KNOP1: variants seen among roughly 807,000 people sequenced by gnomAD.
The protein encoded by KNOP1 is lysine rich nucleolar protein 1, also known as lysine-rich nucleolar protein 1.
KNOP1 carries 20 observed loss-of-function variants against 30.6 expected under a neutral mutation model. The observed-to-expected ratio is 0.65, with a 90% CI of 0.46 to 0.95. KNOP1 has a LOEUF of 0.95. KNOP1 is among the 40% of genes least tolerant of loss of function. The pLI, the probability that KNOP1 is intolerant of heterozygous loss-of-function variation, is 0.00. For synonymous variants in KNOP1, 204 were observed against 210.0 expected (o/e 0.97, Z 0.25); for missense variants, 540 against 562.0 (o/e 0.96, Z 0.40).
At position 19,711,428 on chromosome 16, in the gene KNOP1, C is replaced by T. The variant is rs1332328114; in HGVS notation, c.931G>A (p.Asp311Asn). The change falls in exon 3 of 5, where the codon GAC becomes AAC. Residue 311 changes from aspartate to asparagine, a missense_variant. Physicochemically the swap from Asp to Asn is conservative, Grantham distance 23. Transcript: ENST00000219837. The stretch of plus-strand genomic sequence containing the variant: ...TTTTTTTCCAACACCACCTCTAAGT[C>T]CGTGTCTGTTTCCTGCAGGAGAGGG... ...GDPWKEETDT[D>N]LEVVLEKKGN... The T allele has an allele frequency of 1.2e-6, 2 of 1,614,162 alleles. No homozygotes were observed. The highest frequency in any genetic ancestry group is 1.7e-6 in the Non-Finnish European group (2 of 1,180,024).
chr16:19,717,330 T>G (rs1977197229), intron 1 of KNOP1: 1 of 985,134 alleles, frequency 1.0e-6, no homozygotes, highest in Non-Finnish European at 1.2e-6. Flanking sequence ...TAAAGGAGCT[T>G]GCAAAGAAGA....
chr16:19,714,318 T>C lies in KNOP1; in HGVS notation c.718A>G (p.Arg240Gly). The change falls in exon 2 of 5, where the codon AGG becomes GGG. Residue 240 changes from arginine to glycine, a missense_variant. Transcript: ENST00000219837. ...KPSRSMESSP[R>G]KGSKKKPVKV... ...ACTGGCTTCTTTTTACTTCCTTTCC[T>C]AGGGCTGCTCTCCATGGACCTGGAG... 1 of 1,614,128 alleles carries C rather than the reference T, an allele frequency of 6.2e-7. No homozygotes were observed. The highest frequency in any genetic ancestry group is 8.5e-7 in the Non-Finnish European group (1 of 1,180,002).
Position 19,704,427 on chromosome 16 carries a change from G to T in KNOP1, c.*2483C>A. ...CAGAGCTAAGGCAGGCCAACGTCAG[G>T]GTGACCTCTTGGCAAGATAAAAACT... On this transcript the variant is annotated 3_prime_UTR_variant, in exon 5 of 5. Coordinates refer to ENST00000219837, the MANE Select transcript of KNOP1 (RefSeq NM_001012991.3). 1 of 152,240 alleles carries T rather than the reference G, an allele frequency of 6.6e-6. No individual in the cohort carries two copies. The highest frequency in any genetic ancestry group is 1.5e-5 in the Non-Finnish European group (1 of 68,044). 9.4% of individuals were successfully genotyped at this position (152,240 alleles called of 1,614,324 possible).
At chr16:19,710,702 G>T in intron 3 of KNOP1, 116 bp from the exon 4 acceptor site, 1 of 778,226 alleles carries the variant, frequency 1.3e-6, no homozygotes, top group Non-Finnish European at 2.2e-6. Context: ...AACACAGCTT[G>T]ACTCTGCTAC....
In KNOP1 at chr16:19,708,536, A is replaced by G. The variant is rs141759832; in HGVS notation, c.1066-1315T>C. 4.1e-3 allele frequency among the ~76,000 whole-genome samples: 623 copies of G among 152,052 alleles called. 6 individuals carry two copies. Among genetic ancestry groups the G allele is most frequent in the African/African-American group, 0.014 (593 of 41,470 alleles). On this transcript the variant is annotated intron_variant, in intron 4 of 4. Transcript: ENST00000219837. ...AGACATACGTCAGATTTGACACCAA[A>G]AGCCCAGTGCACGATGCATGGCACA...
At chr16:19,715,355 A>C (rs1229476671) in intron 1 of KNOP1, 3 of 250,330 alleles carry the variant, frequency 1.2e-5, no homozygotes, top group African/African-American at 4.4e-5. Flanking sequence ...TGGAGGGAGT[A>C]AATGAGATAA....
In KNOP1 at chr16:19,703,145, A is replaced by C. The variant is rs939169176; in HGVS notation, c.*3765T>G. 6 of 152,236 alleles carry C rather than the reference A, an allele frequency of 3.9e-5. No individual in the cohort carries two copies. The highest frequency in any genetic ancestry group is 1.2e-4 in the African/African-American group (5 of 41,456). The allele number at this position is 152,236 out of a possible 1,614,324, so 9.4% of individuals were successfully genotyped here. On this transcript the variant is annotated 3_prime_UTR_variant, in exon 5 of 5. Transcript: ENST00000219837. ...GTCATCTGACGGTTCTATAGGTCTTAAGTCCGCCTGGTCTCACTGAGCTAA... is the reference window on the plus strand; with the variant it reads ...GTCATCTGACGGTTCTATAGGTCTTCAGTCCGCCTGGTCTCACTGAGCTAA...
intron 3 of KNOP1, 25 bp from the exon 4 acceptor site, chr16:19,710,611 G>A: frequency 6.3e-7 from 1 of 1,593,996 alleles, no homozygotes; most frequent in South Asian, 1.1e-5. Flanking sequence ...TGACAGAAGA[G>A]GGCCGTCAGA....
rs1976946859 is a variant in KNOP1 at position 19,715,003 on chromosome 16, C to T, written c.33G>A (p.Gly11=). 1 of 1,583,492 alleles carries T rather than the reference C, an allele frequency of 6.3e-7. No homozygotes were observed. The highest frequency in any genetic ancestry group is 8.5e-7 in the Non-Finnish European group (1 of 1,169,590). Residue 11 remains glycine, a synonymous_variant, in exon 2 of 5, where the codon GGG becomes GGA. Coordinates refer to ENST00000219837, the MANE Select transcript of KNOP1 (RefSeq NM_001012991.3). The stretch of plus-strand genomic sequence containing the variant: ...TCTTCTTCTTTTTCTTCTCTGGGAG[C>T]CCAAGGTCTACTTTGTGTGTCTTGG... MITKTHKVDL[G]LPEKKKKKKV...
Position 19,714,156 on chromosome 16 carries a change from T to C in KNOP1, c.880A>G (p.Arg294Gly), listed in dbSNP as rs891774997. The C allele has an allele frequency of 6.2e-7, 1 of 1,613,214 alleles. No individual in the cohort carries two copies. Among genetic ancestry groups the C allele is most frequent in the Non-Finnish European group, 8.5e-7 (1 of 1,179,862 alleles). ...TCTCCTGCTACCCCACTCTCTTTCC[T>C]CTTCTTCTTTTTCTTCCTTTTCAGA... Reference protein sequence around the residue: ...PALKRKKKKKRKESGVAGDPW... With the variant: ...PALKRKKKKKGKESGVAGDPW... The change falls in exon 2 of 5, where the codon AGG (arginine) becomes GGG (glycine). Residue 294 changes from arginine (R) to glycine (G), a missense_variant. By Grantham distance (125) the Arg-to-Gly change is moderately radical. Transcript: ENST00000219837.
intron 1 of KNOP1, 56 bp from the exon 2 acceptor site, chr16:19,715,093 T>TTAGTAGAATTGA: frequency 7.8e-7 from 1 of 1,289,118 alleles, no homozygotes; most frequent in Non-Finnish European, 1.1e-6. Context: ...TGTTCAATTC[T>TTAGTAGAATTGA]ACTAAGCATT....
At chr16:19,715,979 TG>T (rs1162037185) in intron 1 of KNOP1, among the ~76,000 whole-genome samples, 4 of 152,110 alleles carry the variant, frequency 2.6e-5, no homozygotes, top group African/African-American at 9.7e-5. Flanking sequence ...GTTAGGATCA[TG>T]GGAGGGAAAG....
In KNOP1 at chr16:19,705,284, G is replaced by A; in HGVS notation, c.*1626C>T. ...ACTTTCTGGCCATCGAGGCCTGCCT[G>A]GGCTGGGATGTCTGTAGGAGGCATG... On this transcript the variant is annotated 3_prime_UTR_variant, in exon 5 of 5. Coordinates refer to ENST00000219837, the MANE Select transcript of KNOP1 (RefSeq NM_001012991.3). 2.2e-6 allele frequency: 1 copy of A among 455,954 alleles called. No individual in the cohort carries two copies. Among genetic ancestry groups the A allele is most frequent in the South Asian group, 1.5e-5 (1 of 64,534 alleles). 28.2% of individuals were successfully genotyped at this position (455,954 alleles called of 1,614,324 possible). A position where few individuals can be genotyped will look rare whatever the true frequency, so the allele number is the denominator to read the frequency against.
intron 4 of KNOP1, 52 bp downstream of exon 4, chr16:19,710,457 G>A (rs756508368): frequency 1.7e-5 from 27 of 1,575,256 alleles, no homozygotes; most frequent in South Asian, 3.3e-5. Context: ...GAGGGGAAGC[G>A]TCGGGAGGCC....
At chr16:19,717,932 G>A in intron 1 of KNOP1, 1 of 1,160,190 alleles carries the variant, frequency 8.6e-7, no homozygotes, top group Non-Finnish European at 1.1e-6. Flanking sequence ...CCAAGCCTCC[G>A]CATCAACAGA....
chr16:19,713,398 T>TGGCCG (rs932753020), intron 2 of KNOP1, among the ~76,000 whole-genome samples: 7 of 152,136 alleles, frequency 4.6e-5, no homozygotes, highest in Admixed American at 1.3e-4. Flanking sequence ...CGGCCACCTT[T>TGGCCG]GGTTTTAGAT....
chr16:19,701,984 GT>G lies in KNOP1; in HGVS notation c.*4925del, dbSNP rs112345337. ...AGTGGCCTTTATTTCACAAAATTCT[GT>G]TTTTTTTTCTTTTTTTTGAGACAGT... On this transcript the variant is annotated 3_prime_UTR_variant, in exon 5 of 5. Transcript: ENST00000219837. 0.12 allele frequency: 17,860 copies of G among 149,026 alleles called. 3,424 individuals carry two copies. Among genetic ancestry groups the G allele is most frequent in the African/African-American group, 0.41 (16,552 of 40,634 alleles). The allele number at this position is 149,026 out of a possible 1,614,324, so 9.2% of individuals were successfully genotyped here.
Position 19,714,338 on chromosome 16 carries a change from C to G in KNOP1, c.698G>C (p.Arg233Thr), listed in dbSNP as rs963192040. ...TTTCCTAGGGCTGCTCTCCATGGAC[C>G]TGGAGGGCTTGGAGTGGCCTGGGAG... is the stretch of plus-strand genomic sequence containing the variant. Reference protein sequence around the residue: ...DALPGHSKPSRSMESSPRKGS... With the variant: ...DALPGHSKPSTSMESSPRKGS... Residue 233 changes from arginine (R) to threonine (T), a missense_variant, in exon 2 of 5, where the codon AGG (arginine) becomes ACG (threonine). Coordinates refer to ENST00000219837, the MANE Select transcript of KNOP1 (RefSeq NM_001012991.3). The G allele has an allele frequency of 2.4e-5, 39 of 1,613,874 alleles. No homozygotes were observed. The highest frequency in any genetic ancestry group is 3.2e-5 in the Non-Finnish European group (38 of 1,179,972).
intron 4 of KNOP1, among the ~76,000 whole-genome samples, chr16:19,709,876 C>T (rs11862171): frequency 0.064 from 9,691 of 152,226 alleles, 1,048 homozygotes; most frequent in African/African-American, 0.22. Flanking sequence ...TAACCATTTC[C>T]CTGCCATGCT....
Sources: gnomAD v4.1 joint callset for allele counts (sites outside exome capture counted in the v4.1 genomes callset) on GRCh38, gnomAD v4.1.1 for gene constraint, MANE v1.5 for transcripts, NCBI Gene and HGNC (gene_info 2026-07-23, HGNC 2026-07-21) for gene names.